The following ABCB5 variants were observed in gnomAD, a reference collection of about 807,000 sequenced individuals.
ABCB5 encodes the protein ATP-binding cassette sub-family B member 5.
ABCB5 carries 155 observed loss-of-function variants against 144.2 expected under a neutral mutation model. The ratio of observed to expected loss-of-function variants is 1.08; its 90% confidence interval spans 0.94 to 1.23. ABCB5 has a LOEUF of 1.23. Ranked by LOEUF, ABCB5 falls within the 50% of genes most tolerant of loss-of-function variation. The pLI is 0.00. For missense variants in ABCB5, 1,830 were observed against 1,520.8 expected (o/e 1.20, Z -3.38); for synonymous variants, 610 against 528.6 (o/e 1.15, Z -2.11).
At chr7:20,619,448 G>C (rs2128015598) in intron 1 of ABCB5, among the ~76,000 whole-genome samples, 1 of 152,228 alleles carries the variant, frequency 6.6e-6, no homozygotes, top group Non-Finnish European at 1.5e-5. Flanking sequence ...GTGACGATTA[G>C]CATTTTATGT....
intron 15 of ABCB5, 115 bp downstream of exon 15, chr7:20,681,781 G>A (rs1227458896): frequency 8.5e-7 from 1 of 1,177,752 alleles, no homozygotes; most frequent in African/African-American, 1.6e-5. Flanking sequence ...AGCAACCAAG[G>A]TTTATAGTTC....
At chr7:20,692,356 G>T (rs1221196766) in intron 16 of ABCB5, among the ~76,000 whole-genome samples, 3 of 151,768 alleles carry the variant, frequency 2.0e-5, no homozygotes, top group African/African-American at 7.3e-5. Context: ...GAAAGAAAAA[G>T]AAAACACCTC....
chr7:20,728,240 T>A, intron 22 of ABCB5, 75 bp from the exon 23 acceptor site: 1 of 1,488,944 alleles, frequency 6.7e-7, no homozygotes. Flanking sequence ...TCCTCTCTAT[T>A]TATTACTCTA....
rs1187364965 is a variant in ABCB5 at position 20,697,994 on chromosome 7, AC to A, written c.2011-412del. Among the ~76,000 whole-genome samples, 7 of 152,284 alleles carry A rather than the reference AC, an allele frequency of 4.6e-5. No individual in the cohort carries two copies. The South Asian group carries it at 1.4e-3, about 32-fold the overall frequency. Reference sequence around the variant, plus strand: ...CTTTCAAGTTTGAGATCGTAATGAAACTTTTACCTTCCACATTTTCTTTTCT... The same window carrying A: ...CTTTCAAGTTTGAGATCGTAATGAAATTTTACCTTCCACATTTTCTTTTCT... On this transcript the variant is annotated intron_variant, in intron 16 of 27. Coordinates refer to ENST00000404938, the MANE Select transcript of ABCB5 (RefSeq NM_001163941.2).
intron 20 of ABCB5, among the ~76,000 whole-genome samples, chr7:20,720,741 C>T (rs1203761335): frequency 3.3e-5 from 5 of 151,770 alleles, no homozygotes; most frequent in Non-Finnish European, 5.9e-5. Context: ...GTCAGGAGAT[C>T]GAGACCATCC....
At chr7:20,633,639 G>A (rs769259610) in intron 5 of ABCB5, among the ~76,000 whole-genome samples, 8 of 152,032 alleles carry the variant, frequency 5.3e-5, no homozygotes, top group Non-Finnish European at 1.0e-4. Context: ...CTTTCTTCTA[G>A]CTATTTGAAA....
intron 14 of ABCB5, among the ~76,000 whole-genome samples, chr7:20,676,031 A>G (rs1785591246): frequency 6.6e-6 from 1 of 152,062 alleles, no homozygotes; most frequent in Admixed American, 6.6e-5. Context: ...AGTGTTGGTG[A>G]GGATGTGGAA....
intron 13 of ABCB5, among the ~76,000 whole-genome samples, chr7:20,656,639 A>T (rs1046397678): frequency 1.3e-5 from 2 of 152,166 alleles, no homozygotes; most frequent in African/African-American, 2.4e-5. Flanking sequence ...AAGCAATTAG[A>T]TCTCTCATTC....
chr7:20,720,875 C>T (rs1293542454), intron 20 of ABCB5, among the ~76,000 whole-genome samples: 11 of 129,076 alleles, frequency 8.5e-5, no homozygotes, highest in East Asian at 2.7e-4. Context: ...ACCCGGGAGG[C>T]GGAGCTTGCA....
In ABCB5 at chr7:20,643,693, T is replaced by A. The variant is rs1020087592; in HGVS notation, c.678+61T>A. On this transcript the variant is annotated intron_variant, in intron 7 of 27. Transcript: ENST00000404938. ...CAGCAGTGTGGACTAAATGACTCAC[T>A]GAGTTTGTTCAAAAATGGCTTTTCT... 10 of 1,573,020 alleles carry A rather than the reference T, an allele frequency of 6.4e-6. No individual in the cohort carries two copies. The African/African-American group carries it at 1.4e-4, about 21-fold the overall frequency.
At chr7:20,683,083 T>C (rs940810571) in intron 15 of ABCB5, among the ~76,000 whole-genome samples, 16 of 145,504 alleles carry the variant, frequency 1.1e-4, no homozygotes, top group African/African-American at 4.0e-4. Flanking sequence ...ATATCTTTGA[T>C]GTCAATATTA....
intron 15 of ABCB5, among the ~76,000 whole-genome samples, chr7:20,682,877 A>G (rs1367726730): frequency 1.3e-5 from 2 of 152,156 alleles, no homozygotes; most frequent in Non-Finnish European, 2.9e-5. Context: ...TGCGTGTGTC[A>G]TGGATCCACC....
chr7:20,743,632 G>A (rs1287283079), intron 25 of ABCB5, among the ~76,000 whole-genome samples: 2 of 151,968 alleles, frequency 1.3e-5, no homozygotes, highest in Admixed American at 1.3e-4. Flanking sequence ...TTATATTGTG[G>A]TTTTTCCATT....
Position 20,642,653 on chromosome 7 carries a change from A to T in ABCB5, c.315-531A>T, listed in dbSNP as rs181020094. ...CAGTATACATTTATTAAATAATTACATTTCTTATCTGATCTCCTCCTGTAT... is the reference window on the plus strand; with the variant it reads ...CAGTATACATTTATTAAATAATTACTTTTCTTATCTGATCTCCTCCTGTAT... On this transcript the variant is annotated intron_variant, in intron 5 of 27. Transcript: ENST00000404938. Among the ~76,000 whole-genome samples the T allele has an allele frequency of 3.0e-3, 463 of 152,208 alleles. 11 individuals are homozygous for T. Among genetic ancestry groups the T allele is most frequent in the Admixed American group, 0.028 (426 of 15,284 alleles).
intron 12 of ABCB5, among the ~76,000 whole-genome samples, chr7:20,650,431 G>C (rs552313976): frequency 6.6e-6 from 1 of 152,118 alleles, no homozygotes; most frequent in Non-Finnish European, 1.5e-5. Flanking sequence ...AAAAAAATAA[G>C]TAAATTATAT....
chr7:20,634,238 TTGTGTGTGTG>T (rs10688708), intron 5 of ABCB5, among the ~76,000 whole-genome samples: 13 of 140,544 alleles, frequency 9.2e-5, no homozygotes, highest in Admixed American at 1.4e-4. Context: ...GTATTCCATG[TTGTGTGTGTG>T]TGTGTGTGTG....
chr7:20,621,292 GT>G (rs1203707032), intron 1 of ABCB5, among the ~76,000 whole-genome samples: 4 of 152,078 alleles, frequency 2.6e-5, no homozygotes, highest in Non-Finnish European at 5.9e-5. Context: ...TGATGAAAAA[GT>G]TCTGAAGATA....
Position 20,650,099 on chromosome 7 carries a change from T to C in ABCB5, c.1284T>C (p.Ser428=), listed in dbSNP as rs1345987672. Residue 428 remains serine, a synonymous_variant, in exon 12 of 28, where the codon AGT becomes AGC. Transcript: ENST00000404938. ...ALVGLNGSGK[S]TVVQLLQRLY... is the part of the protein sequence containing the mutation. ...TCGGTCTCAATGGCAGTGGGAAGAG[T>C]ACGGTAGTCCAGCTTCTGCAGAGGT... The C allele has an allele frequency of 9.9e-6, 16 of 1,613,526 alleles. No individual in the cohort carries two copies. Among genetic ancestry groups the C allele is most frequent in the Non-Finnish European group, 1.3e-5 (15 of 1,179,666 alleles).
chr7:20,635,948 A>T (rs1784146643), intron 5 of ABCB5, among the ~76,000 whole-genome samples: 1 of 152,198 alleles, frequency 6.6e-6, no homozygotes, highest in Non-Finnish European at 1.5e-5. Context: ...ATTAAAATTT[A>T]AAATTCAGTT....
Sources: gnomAD v4.1 joint callset for allele counts (sites outside exome capture counted in the v4.1 genomes callset) on GRCh38, gnomAD v4.1.1 for gene constraint, MANE v1.5 for transcripts, NCBI Gene and HGNC (gene_info 2026-07-23, HGNC 2026-07-21) for gene names.